The following MED27 variants were observed in gnomAD, a reference collection of about 807,000 sequenced individuals.
The protein encoded by MED27 is mediator of RNA polymerase II transcription subunit 27.
A neutral mutation model predicts 38.2 loss-of-function variants in MED27; 30 were observed. The ratio of observed to expected loss-of-function variants is 0.79; its 90% CI spans 0.59 to 1.07. The LOEUF (loss-of-function observed/expected upper bound fraction) is 1.07. MED27 is among the 50% of genes least tolerant of loss of function. MED27 has a pLI of 0.00. For synonymous variants in MED27, 122 were observed against 153.5 expected (o/e 0.79, Z 1.52); for missense variants, 289 against 397.5 (o/e 0.73, Z 2.32).
rs912867171 is a variant in MED27 at position 132,040,519 on chromosome 9, G to A, written c.349-26052C>T. On this transcript the variant is annotated intron_variant, in intron 2 of 7. Transcript: ENST00000292035. ...AAATGTCACGAGAAAGCTATAAATA[G>A]GGCTTTAGATCTATACATTGGGCAA... Among the ~76,000 whole-genome samples, 5 of 152,272 alleles carry A rather than the reference G, an allele frequency of 3.3e-5. No homozygotes were observed. The South Asian group carries it at 1.0e-3, about 32-fold the overall frequency.
At chr9:131,911,213 G>A (rs1004049919) in intron 4 of MED27, among the ~76,000 whole-genome samples, 1 of 152,122 alleles carries the variant, frequency 6.6e-6, no homozygotes, top group African/African-American at 2.4e-5. Flanking sequence ...TCCTTCCTTT[G>A]GGTAACAAGC....
At chr9:132,073,401 T>C in intron 2 of MED27, 1 of 1,045,426 alleles carries the variant, frequency 9.6e-7, no homozygotes, top group Non-Finnish European at 1.2e-6. Context: ...CTTCACTGAA[T>C]GATTACAGTG....
At chr9:131,865,087 G>A (rs959902169) in intron 6 of MED27, among the ~76,000 whole-genome samples, 7 of 152,142 alleles carry the variant, frequency 4.6e-5, no homozygotes, top group African/African-American at 1.2e-4. Context: ...ACTTAAAAAC[G>A]CCCACCCACC....
chr9:132,063,967 C>A (rs1833752368), intron 2 of MED27, among the ~76,000 whole-genome samples: 1 of 152,214 alleles, frequency 6.6e-6, no homozygotes, highest in African/African-American at 2.4e-5. Context: ...GGAAAACGCA[C>A]TTCCGCCTTG....
intron 6 of MED27, chr9:131,868,640 T>C: frequency 2.0e-6 from 2 of 985,474 alleles, no homozygotes; most frequent in Non-Finnish European, 2.4e-6. Flanking sequence ...AAGATGCACA[T>C]AGTGGGTGAG....
At chr9:132,031,862 G>A (rs902303030) in intron 2 of MED27, 3 of 151,784 alleles carry the variant, frequency 2.0e-5, no homozygotes, top group African/African-American at 7.3e-5. Flanking sequence ...TACAAAATGT[G>A]CTTTATCACC....
At chr9:131,903,002 C>A (rs1247318955) in intron 4 of MED27, among the ~76,000 whole-genome samples, 1 of 152,170 alleles carries the variant, frequency 6.6e-6, no homozygotes, top group East Asian at 1.9e-4. Flanking sequence ...GCCTGTCAAC[C>A]CTGGAAGGAA....
intron 2 of MED27, among the ~76,000 whole-genome samples, chr9:132,044,907 C>T (rs944067156): frequency 2.6e-5 from 4 of 151,876 alleles, no homozygotes; most frequent in South Asian, 2.1e-4. Flanking sequence ...TACTTCATAC[C>T]GTACACCAAA....
At chr9:131,879,323 C>T (rs1348767523) in intron 6 of MED27, among the ~76,000 whole-genome samples, 1 of 152,206 alleles carries the variant, frequency 6.6e-6, no homozygotes, top group Non-Finnish European at 1.5e-5. Flanking sequence ...GGGTGGGGGG[C>T]GTGGCTTCCT....
intron 3 of MED27, among the ~76,000 whole-genome samples, chr9:131,967,922 A>G (rs953064865): frequency 6.8e-6 from 1 of 147,682 alleles, no homozygotes; most frequent in Non-Finnish European, 1.5e-5. Context: ...GGTTCACGCC[A>G]TTCTCCTGCC....
chr9:132,026,374 G>A (rs1198841649), intron 2 of MED27, among the ~76,000 whole-genome samples: 2 of 152,210 alleles, frequency 1.3e-5, no homozygotes, highest in Non-Finnish European at 2.9e-5. Context: ...CAAGCAGGGA[G>A]CAGTGAAGAA....
intron 3 of MED27, among the ~76,000 whole-genome samples, chr9:131,995,437 C>T (rs1832070541): frequency 6.6e-6 from 1 of 152,168 alleles, no homozygotes; most frequent in African/African-American, 2.4e-5. Context: ...CAGAGACCAT[C>T]ATCAAGTTCC....
intron 3 of MED27, among the ~76,000 whole-genome samples, chr9:131,977,591 G>A (rs1831636569): frequency 6.6e-6 from 1 of 152,140 alleles, no homozygotes; most frequent in South Asian, 2.1e-4. Context: ...TGAGAGCTGT[G>A]TCCTGGTCTC....
intron 3 of MED27, among the ~76,000 whole-genome samples, chr9:131,989,842 A>G (rs1805994478): frequency 6.6e-6 from 1 of 152,050 alleles, no homozygotes; most frequent in African/African-American, 2.4e-5. Context: ...TATAACCTAC[A>G]GCTATGATAT....
intron 3 of MED27, among the ~76,000 whole-genome samples, chr9:131,954,786 C>G (rs550209634): frequency 4.0e-4 from 61 of 152,154 alleles, no homozygotes; most frequent in African/African-American, 1.3e-3. Context: ...TATTTATAAG[C>G]AAGGAAGGTC....
At chr9:131,938,391 C>T (rs1830720582) in intron 4 of MED27, among the ~76,000 whole-genome samples, 1 of 152,158 alleles carries the variant, frequency 6.6e-6, no homozygotes, top group Admixed American at 6.5e-5. Flanking sequence ...TGTGGTGGTT[C>T]CTCAAAAATC....
intron 3 of MED27, among the ~76,000 whole-genome samples, chr9:131,946,352 T>C (rs940371858): frequency 1.3e-5 from 2 of 152,200 alleles, no homozygotes; most frequent in African/African-American, 4.8e-5. Flanking sequence ...CTGTACTAAT[T>C]TGCAGTTCCA....
At chr9:131,966,210 A>AAC (rs1162593719) in intron 3 of MED27, among the ~76,000 whole-genome samples, 2 of 139,666 alleles carry the variant, frequency 1.4e-5, no homozygotes, top group Non-Finnish European at 3.0e-5. Flanking sequence ...AAAAAAAAAA[A>AAC]AAAAACAAAA....
intron 3 of MED27, among the ~76,000 whole-genome samples, chr9:131,975,614 G>A (rs1331906074): frequency 6.6e-6 from 1 of 152,166 alleles, no homozygotes; most frequent in Admixed American, 6.5e-5. Flanking sequence ...TAGCGCTGGG[G>A]GAGCAAAGAT....
Sources: allele counts gnomAD v4.1 joint callset (sites outside exome capture counted in the v4.1 genomes callset), GRCh38; gene constraint gnomAD v4.1.1; transcripts MANE v1.5; gene names NCBI Gene and HGNC (gene_info 2026-07-23, HGNC 2026-07-21).